Variants in JARID2 observed in about 807,000 individuals in gnomAD.
JARID2 encodes the protein jumonji and AT-rich interaction domain containing 2.
A neutral mutation model predicts 125.6 loss-of-function variants in JARID2; 21 were observed. The observed-to-expected ratio is 0.17, with a 90% confidence interval of 0.12 to 0.24. The LOEUF (loss-of-function observed/expected upper bound fraction) is 0.24, where lower values mean the gene tolerates loss of function less well. Ranked by LOEUF, JARID2 falls within the 10% of genes least tolerant of loss-of-function variation. The pLI is 1.00. For synonymous variants in JARID2, 736 were observed against 661.6 expected, an observed-to-expected ratio of 1.11 and a Z score of -1.73; for missense variants, 1,303 against 1,639.6, an observed-to-expected ratio of 0.79 and a Z score of 3.55.
At chr6:15,392,197 C>T (rs1262360555) in intron 2 of JARID2, among the ~76,000 whole-genome samples, 1 of 152,048 alleles carries the variant, frequency 6.6e-6, no homozygotes, top group East Asian at 1.9e-4. Context: ...TTAAGGTGGC[C>T]TAAAACCATT....
intron 3 of JARID2, among the ~76,000 whole-genome samples, chr6:15,443,726 G>A (rs1410671258): frequency 6.6e-6 from 1 of 151,984 alleles, no homozygotes; most frequent in Non-Finnish European, 1.5e-5. Flanking sequence ...TTAAGAGGAG[G>A]TCAAAGATCA....
At chr6:15,248,244 C>G (rs1303608107) in intron 1 of JARID2, 3 of 213,976 alleles carry the variant, frequency 1.4e-5, no homozygotes, top group Non-Finnish European at 2.4e-5. Context: ...GGGGTCGCGG[C>G]AGGCTGGGCC....
At chr6:15,512,889 C>A (rs1052793265) in intron 14 of JARID2, 26 bp from the exon 15 acceptor site, 1 of 1,612,152 alleles carries the variant, frequency 6.2e-7, no homozygotes, top group South Asian at 1.1e-5. Context: ...AAAATCCACC[C>A]TAAAGGGATG....
intron 1 of JARID2, among the ~76,000 whole-genome samples, chr6:15,371,777 GT>G (rs1020095072): frequency 2.0e-5 from 3 of 152,186 alleles, no homozygotes; most frequent in African/African-American, 4.8e-5. Context: ...TTGGGGCAAG[GT>G]TTGCTGGCTT....
intron 3 of JARID2, among the ~76,000 whole-genome samples, chr6:15,426,205 C>T (rs1197494435): frequency 6.6e-6 from 1 of 152,122 alleles, no homozygotes; most frequent in Non-Finnish European, 1.5e-5. Context: ...TCTTAATAAT[C>T]CTCGAGTGGG....
At chr6:15,396,757 G>A (rs1438872636) in intron 2 of JARID2, among the ~76,000 whole-genome samples, 7 of 152,174 alleles carry the variant, frequency 4.6e-5, no homozygotes, top group Non-Finnish European at 1.0e-4. Context: ...GGTTGACCAT[G>A]GCTGACTGAA....
intron 3 of JARID2, among the ~76,000 whole-genome samples, chr6:15,415,470 G>C (rs1358530378): frequency 6.8e-6 from 1 of 146,738 alleles, no homozygotes; most frequent in East Asian, 2.0e-4. Context: ...CCTCCCGCAC[G>C]GGGCGGCTGG....
intron 1 of JARID2, among the ~76,000 whole-genome samples, chr6:15,287,012 G>A (rs779437366): frequency 6.6e-6 from 1 of 152,090 alleles, no homozygotes; most frequent in Non-Finnish European, 1.5e-5. Context: ...CTACTCCGGA[G>A]GCTGAGGCAG....
At chr6:15,436,221 C>G (rs979385858) in intron 3 of JARID2, among the ~76,000 whole-genome samples, 20 of 152,136 alleles carry the variant, frequency 1.3e-4, no homozygotes, top group African/African-American at 4.1e-4. Flanking sequence ...CTTGGTGTAT[C>G]AGAAGAATCG....
chr6:15,417,492 C>T (rs1766283864), intron 3 of JARID2, among the ~76,000 whole-genome samples: 1 of 152,188 alleles, frequency 6.6e-6, no homozygotes, highest in Non-Finnish European at 1.5e-5. Flanking sequence ...AACCCCAGCA[C>T]TTTGGGAGGC....
At chr6:15,301,939 T>C (rs1653303899) in intron 1 of JARID2, among the ~76,000 whole-genome samples, 1 of 152,236 alleles carries the variant, frequency 6.6e-6, no homozygotes, top group African/African-American at 2.4e-5. Context: ...CGTTGGTATG[T>C]GTTTTTGGTC....
intron 1 of JARID2, among the ~76,000 whole-genome samples, chr6:15,365,190 T>G (rs1012397427): frequency 1.3e-5 from 2 of 152,252 alleles, no homozygotes; most frequent in Non-Finnish European, 2.9e-5. Flanking sequence ...TTGAAGACAC[T>G]GGCCAATAAT....
intron 3 of JARID2, among the ~76,000 whole-genome samples, chr6:15,422,405 G>T (rs1409454882): frequency 6.6e-6 from 1 of 152,150 alleles, no homozygotes; most frequent in African/African-American, 2.4e-5. Flanking sequence ...CCTTCACCTT[G>T]ATCAGCAAGG....
intron 1 of JARID2, among the ~76,000 whole-genome samples, chr6:15,364,689 A>G (rs779396159): frequency 6.6e-6 from 1 of 152,238 alleles, no homozygotes; most frequent in African/African-American, 2.4e-5. Context: ...AAGGCACATA[A>G]GACTCTCAGG....
chr6:15,461,374 A>G (rs1410386661), intron 4 of JARID2, among the ~76,000 whole-genome samples: 5 of 152,118 alleles, frequency 3.3e-5, no homozygotes, highest in African/African-American at 7.2e-5. Flanking sequence ...GGAATTTCCT[A>G]TTTGTGGGAT....
intron 1 of JARID2, among the ~76,000 whole-genome samples, chr6:15,366,777 C>CGTAA (rs1561816704): frequency 6.6e-6 from 1 of 152,038 alleles, no homozygotes; most frequent in African/African-American, 2.4e-5. Flanking sequence ...CAGCACCTTC[C>CGTAA]GTAAGTGCAC....
At chr6:15,489,342 G>T (rs1171517608) in intron 6 of JARID2, among the ~76,000 whole-genome samples, 10 of 152,316 alleles carry the variant, frequency 6.6e-5, no homozygotes, top group African/African-American at 2.4e-4. Context: ...CCATCCTTGG[G>T]ATGGCGAGGC....
chr6:15,286,661 G>C (rs563022560), intron 1 of JARID2, among the ~76,000 whole-genome samples: 2 of 151,686 alleles, frequency 1.3e-5, no homozygotes, highest in Admixed American at 6.6e-5. Context: ...GAGATCGAGA[G>C]CATCCTGGCT....
chr6:15,456,667 T>C (rs1768190531), intron 4 of JARID2, among the ~76,000 whole-genome samples: 1 of 152,108 alleles, frequency 6.6e-6, no homozygotes, highest in African/African-American at 2.4e-5. Context: ...ATGCTTATTA[T>C]AGCTTCATGA....
Sources: gnomAD v4.1 joint callset for allele counts (sites outside exome capture counted in the v4.1 genomes callset) on GRCh38, gnomAD v4.1.1 for gene constraint, MANE v1.5 for transcripts, NCBI Gene and HGNC (gene_info 2026-07-23, HGNC 2026-07-21) for gene names.